The following MGAT4C variants were observed in gnomAD, a reference collection of about 807,000 sequenced individuals.
MGAT4C encodes the protein MGAT4 family member C, also known as alpha-1,3-mannosyl-glycoprotein 4-beta-N-acetylglucosaminyltransferase C.
MGAT4C carries 19 observed loss-of-function variants against 40.1 expected under a neutral mutation model. That is an observed-to-expected ratio of 0.47 (90% confidence interval 0.33 to 0.70). MGAT4C has a LOEUF of 0.70. MGAT4C is among the 30% of genes least tolerant of loss of function. MGAT4C has a pLI of 0.02. For synonymous variants in MGAT4C, 181 were observed against 187.1 expected (o/e 0.97, Z 0.27); for missense variants, 491 against 563.2 (o/e 0.87, Z 1.30).
chr12:86,137,658 C>T (rs1023478436), intron 1 of MGAT4C, among the ~76,000 whole-genome samples: 4 of 152,134 alleles, frequency 2.6e-5, no homozygotes, highest in African/African-American at 9.7e-5. Flanking sequence ...TCTGTGATGC[C>T]ATATTTTGCA....
At chr12:86,482,378 A>C (rs535684064) in intron 2 of MGAT4C, among the ~76,000 whole-genome samples, 13 of 152,100 alleles carry the variant, frequency 8.5e-5, no homozygotes, top group Non-Finnish European at 1.8e-4. Flanking sequence ...AATTCTCAGC[A>C]GATTGACATA....
intron 1 of MGAT4C, among the ~76,000 whole-genome samples, chr12:86,198,380 T>G (rs1949905595): frequency 6.6e-6 from 1 of 152,194 alleles, no homozygotes; most frequent in South Asian, 2.1e-4. Flanking sequence ...CTAATTTTTT[T>G]GACTAATCTG....
chr12:86,569,774 T>C (rs1330072141), intron 2 of MGAT4C, among the ~76,000 whole-genome samples: 1 of 151,884 alleles, frequency 6.6e-6, no homozygotes, highest in Admixed American at 6.6e-5. Context: ...ATATCCAAAA[T>C]AGAAAATTAA....
intron 1 of MGAT4C, among the ~76,000 whole-genome samples, chr12:86,799,619 C>A (rs1952190100): frequency 6.6e-6 from 1 of 151,846 alleles, no homozygotes; most frequent in Non-Finnish European, 1.5e-5. Flanking sequence ...AATAGTAAAT[C>A]ATATCTCATA....
chr12:86,774,339 C>CT (rs1261668084), intron 1 of MGAT4C, among the ~76,000 whole-genome samples: 4 of 71,102 alleles, frequency 5.6e-5, no homozygotes, highest in Non-Finnish European at 1.3e-4. Flanking sequence ...TTCTTTCTTT[C>CT]TGTCTCTCTC....
chr12:86,785,372 T>C (rs1951914258), intron 1 of MGAT4C, among the ~76,000 whole-genome samples: 1 of 152,042 alleles, frequency 6.6e-6, no homozygotes, highest in Admixed American at 6.6e-5. Context: ...ATGAAAAATA[T>C]TAACACAATT....
At chr12:86,748,885 T>C (rs1216546579) in intron 1 of MGAT4C, among the ~76,000 whole-genome samples, 1 of 151,500 alleles carries the variant, frequency 6.6e-6, no homozygotes, top group Non-Finnish European at 1.5e-5. Flanking sequence ...GTTATTAATA[T>C]TTAAAAGTGT....
At chr12:86,441,755 A>G (rs1957233413) in intron 2 of MGAT4C, among the ~76,000 whole-genome samples, 2 of 151,982 alleles carry the variant, frequency 1.3e-5, no homozygotes, top group Admixed American at 1.3e-4. Flanking sequence ...ATTAATGGAC[A>G]TTTGGGTTGG....
At chr12:86,345,429 C>G (rs1236630815) in intron 3 of MGAT4C, among the ~76,000 whole-genome samples, 1 of 151,940 alleles carries the variant, frequency 6.6e-6, no homozygotes, top group East Asian at 1.9e-4. Flanking sequence ...TCCCCCCTTC[C>G]CCCACCCCAC....
intron 3 of MGAT4C, among the ~76,000 whole-genome samples, chr12:86,341,800 C>A (rs1282696289): frequency 6.6e-6 from 1 of 152,126 alleles, no homozygotes; most frequent in Non-Finnish European, 1.5e-5. Context: ...CAGGACCTCC[C>A]AGTCAAGGCC....
chr12:86,689,616 C>T (rs992310379), intron 2 of MGAT4C, among the ~76,000 whole-genome samples: 6 of 152,210 alleles, frequency 3.9e-5, no homozygotes, highest in African/African-American at 1.4e-4. Flanking sequence ...ATTGCAGACC[C>T]TTTTTGCCTG....
In MGAT4C at chr12:85,973,153, T is replaced by C. The variant is rs1168479719; in HGVS notation, c.*6136A>G. ...TCTCTGTGCCATACTTTTGGTACCT[T>C]CATAATAAACGGTAAAGTGAGGGAA... On this transcript the variant is annotated 3_prime_UTR_variant, in exon 5 of 5. Transcript: ENST00000611864. 6.6e-6 allele frequency: 1 copy of C among 150,898 alleles called. No homozygotes were observed. The highest frequency in any genetic ancestry group is 1.5e-5 in the Non-Finnish European group (1 of 67,066). The allele number at this position is 150,898 out of a possible 1,614,324, so 9.3% of individuals were successfully genotyped here. A position where few individuals can be genotyped will look rare whatever the true frequency, so the allele number is the denominator to read the frequency against.
chr12:86,120,142 A>G (rs1350444779), intron 1 of MGAT4C, among the ~76,000 whole-genome samples: 6 of 151,898 alleles, frequency 4.0e-5, no homozygotes, highest in African/African-American at 1.4e-4. Context: ...TAAGAAACAT[A>G]GGCAATATGT....
At chr12:86,542,122 A>G (rs1959171307) in intron 2 of MGAT4C, among the ~76,000 whole-genome samples, 1 of 152,186 alleles carries the variant, frequency 6.6e-6, no homozygotes, top group South Asian at 2.1e-4. Flanking sequence ...ACACATGAAA[A>G]CTTGTAGGAT....
chr12:86,792,800 G>A (rs565114280), intron 1 of MGAT4C, among the ~76,000 whole-genome samples: 13 of 152,002 alleles, frequency 8.6e-5, no homozygotes, highest in Admixed American at 2.0e-4. Flanking sequence ...GTGTGGTGGC[G>A]GACACCTGTA....
At chr12:86,181,694 C>T (rs1888142380) in intron 1 of MGAT4C, among the ~76,000 whole-genome samples, 1 of 151,996 alleles carries the variant, frequency 6.6e-6, no homozygotes, top group African/African-American at 2.4e-5. Flanking sequence ...ATTTTACAGA[C>T]AAAGAAATCG....
chr12:86,106,958 G>T lies in MGAT4C; in HGVS notation c.-56-57235C>A, dbSNP rs17013636. Among the ~76,000 whole-genome samples the T allele has an allele frequency of 2.9e-3, 444 of 152,168 alleles. 3 individuals carry two copies. The highest frequency in any genetic ancestry group is 0.01 in the African/African-American group (431 of 41,516). On this transcript the variant is annotated intron_variant, in intron 1 of 4. Transcript: ENST00000611864. ...AGAGTTTTTGTGAAGTGGAGTCCTT[G>T]GCTTCTCCAGACAGTGGCCTGAGTC...
chr12:86,210,893 T>C (rs1950433849), intron 1 of MGAT4C, among the ~76,000 whole-genome samples: 3 of 152,080 alleles, frequency 2.0e-5, no homozygotes, highest in Non-Finnish European at 4.4e-5. Context: ...TGCTAGGCAC[T>C]GGGGATAAAG....
intron 1 of MGAT4C, among the ~76,000 whole-genome samples, chr12:86,809,828 T>G (rs1020608062): frequency 2.0e-5 from 3 of 152,052 alleles, no homozygotes; most frequent in African/African-American, 7.2e-5. Flanking sequence ...CTTTTTATTT[T>G]CTTTATAGAT....
Sources: allele counts gnomAD v4.1 joint callset (sites outside exome capture counted in the v4.1 genomes callset), GRCh38; gene constraint gnomAD v4.1.1; transcripts MANE v1.5; gene names NCBI Gene and HGNC (gene_info 2026-07-23, HGNC 2026-07-21).